The following TULP3 variants were observed in gnomAD, a reference collection of about 807,000 sequenced individuals.
TULP3 encodes the protein TUB like protein 3, also known as tubby-related protein 3.
A neutral mutation model predicts 50.7 loss-of-function variants in TULP3; 38 were observed. The ratio of observed to expected loss-of-function variants is 0.75; its 90% CI spans 0.58 to 0.98. The LOEUF (loss-of-function observed/expected upper bound fraction) is 0.98. Ranked by LOEUF, TULP3 falls within the 50% of genes least tolerant of loss-of-function variation. TULP3 has a pLI of 0.00. For synonymous variants in TULP3, 183 were observed against 196.6 expected (o/e 0.93, Z 0.58); for missense variants, 550 against 568.0 (o/e 0.97, Z 0.32).
chr12:2,893,642 G>A (rs969112621), intron 1 of TULP3, among the ~76,000 whole-genome samples: 2 of 150,984 alleles, frequency 1.3e-5, no homozygotes, highest in African/African-American at 2.4e-5. Flanking sequence ...TGTTTTTGAT[G>A]AAATACATTG....
chr12:2,937,609 G>A (rs777294881), intron 8 of TULP3, 22 bp from the exon 9 acceptor site: 5 of 1,567,430 alleles, frequency 3.2e-6, no homozygotes, highest in African/African-American at 1.4e-5. Flanking sequence ...TCCAAGTTCT[G>A]CTTTGTTTTC....
rs761395470 is a variant in TULP3 at position 2,934,473 on chromosome 12, C to T, written c.836C>T (p.Thr279Ile). The T allele has an allele frequency of 1.9e-5, 31 of 1,596,858 alleles. No homozygotes were observed. The highest frequency in any genetic ancestry group is 2.5e-5 in the Non-Finnish European group (29 of 1,172,404). ...LRSNLMGTKF[T>I]VYDRGICPMK... ...TCCAACCTCATGGGGACCAAGTTTA[C>T]AGTTTATGACCGTGGCATCTGCCCC... Residue 279 changes from threonine (T) to isoleucine (I), a missense_variant, in exon 8 of 11, where the codon ACA becomes ATA. Coordinates refer to ENST00000448120, the MANE Select transcript of TULP3 (RefSeq NM_003324.5).
chr12:2,917,694 G>A (rs889972259), intron 2 of TULP3, among the ~76,000 whole-genome samples: 2 of 151,746 alleles, frequency 1.3e-5, no homozygotes, highest in Non-Finnish European at 2.9e-5. Flanking sequence ...TGGCCAACAC[G>A]GTGAAACCTC....
intron 1 of TULP3, among the ~76,000 whole-genome samples, chr12:2,909,281 G>A (rs1440850426): frequency 2.0e-5 from 3 of 152,240 alleles, no homozygotes; most frequent in African/African-American, 7.2e-5. Flanking sequence ...TGCATGCGTG[G>A]GGTCTGTGTT....
In TULP3 at chr12:2,902,491, G is replaced by A. The variant is rs182550325; in HGVS notation, c.42-7038G>A. Among the ~76,000 whole-genome samples, 12 of 152,306 alleles carry A rather than the reference G, an allele frequency of 7.9e-5. 1 individual carries two copies. In the East Asian group the frequency reaches 2.3e-3, roughly 29 times the overall value. On this transcript the variant is annotated intron_variant, in intron 1 of 10. Coordinates refer to ENST00000448120, the MANE Select transcript of TULP3 (RefSeq NM_003324.5). ...AAATTGCAGTTGAGTGCTGATTACA[G>A]CATCCTTATCTGGCACAGTGTAGGA...
At chr12:2,926,754 AGT>A in intron 4 of TULP3, among the ~76,000 whole-genome samples, 1 of 119,736 alleles carries the variant, frequency 8.4e-6, no homozygotes, top group Non-Finnish European at 1.7e-5. Flanking sequence ...TTCAAAAAAA[AGT>A]AGCCAGGTGT....
At chr12:2,912,933 A>G (rs1377641010) in intron 2 of TULP3, among the ~76,000 whole-genome samples, 1 of 151,826 alleles carries the variant, frequency 6.6e-6, no homozygotes. Context: ...AGTGCTAGAG[A>G]CATAGGGTAG....
At chr12:2,920,650 A>C in intron 2 of TULP3, 113 bp from the exon 3 acceptor site, 1 of 1,333,516 alleles carries the variant, frequency 7.5e-7, no homozygotes, top group South Asian at 1.4e-5. Context: ...ATGGGGAAAA[A>C]ATAATTTACA....
chr12:2,910,094 C>T (rs2098184596), intron 2 of TULP3, among the ~76,000 whole-genome samples: 1 of 152,152 alleles, frequency 6.6e-6, no homozygotes, highest in Admixed American at 6.6e-5. Context: ...AGATCGAGAC[C>T]ATCCTGACTA....
intron 4 of TULP3, among the ~76,000 whole-genome samples, chr12:2,928,638 G>A (rs923184728): frequency 1.3e-5 from 2 of 151,628 alleles, no homozygotes; most frequent in African/African-American, 2.4e-5. Flanking sequence ...AATATGCATC[G>A]TAACATAGAA....
intron 1 of TULP3, among the ~76,000 whole-genome samples, chr12:2,899,687 T>A (rs886969231): frequency 9.3e-5 from 14 of 151,126 alleles, no homozygotes; most frequent in East Asian, 2.0e-4. Context: ...AGGTCAGAAG[T>A]TCGAGACCAT....
intron 1 of TULP3, among the ~76,000 whole-genome samples, chr12:2,898,541 AT>A (rs2098176929): frequency 6.6e-6 from 1 of 152,170 alleles, no homozygotes; most frequent in Admixed American, 6.5e-5. Flanking sequence ...CCAGTTGCTC[AT>A]TACTCAGTTT....
Position 2,940,678 on chromosome 12 carries a change from C to T in TULP3, c.*1234C>T. 1 of 1,551,698 alleles carries T rather than the reference C, an allele frequency of 6.4e-7. No individual in the cohort carries two copies. Among genetic ancestry groups the T allele is most frequent in the Non-Finnish European group, 8.7e-7 (1 of 1,146,982 alleles). On this transcript the variant is annotated 3_prime_UTR_variant, in exon 11 of 11. Coordinates refer to ENST00000448120, the MANE Select transcript of TULP3 (RefSeq NM_003324.5). The stretch of plus-strand genomic sequence containing the variant: ...CTCAGACCTCCCTTCTGTGGACTGA[C>T]CTCTCACCTCCGCCTGTTGTTCCTG...
intron 2 of TULP3, among the ~76,000 whole-genome samples, chr12:2,916,621 T>TAG (rs2098188833): frequency 6.6e-6 from 1 of 152,160 alleles, no homozygotes; most frequent in South Asian, 2.1e-4. Context: ...TGGTAATGAG[T>TAG]CCTTCATTGA....
chr12:2,925,838 C>G (rs1327043200), intron 4 of TULP3, among the ~76,000 whole-genome samples: 1 of 152,124 alleles, frequency 6.6e-6, no homozygotes. Flanking sequence ...GTTCTTTATC[C>G]CTGACTGTAA....
At chr12:2,895,842 A>G (rs2334872) in intron 1 of TULP3, among the ~76,000 whole-genome samples, 72,217 of 151,840 alleles carry the variant, frequency 0.48, 17,611 homozygotes, top group African/African-American at 0.59. Context: ...CTCCTAGGCT[A>G]CAAAGCTATA....
At chr12:2,913,198 A>AGAGT (rs2098186609) in intron 2 of TULP3, among the ~76,000 whole-genome samples, 1 of 100,152 alleles carries the variant, frequency 1.0e-5, no homozygotes, top group African/African-American at 4.5e-5. Flanking sequence ...AATTATGTTG[A>AGAGT]GTTTGTGTGT....
chr12:2,922,428 C>A, intron 4 of TULP3, 26 bp downstream of exon 4: 1 of 1,596,082 alleles, frequency 6.3e-7, no homozygotes, highest in Non-Finnish European at 8.5e-7. Flanking sequence ...GATTTTAAGG[C>A]AATTTGTCTC....
intron 2 of TULP3, among the ~76,000 whole-genome samples, chr12:2,910,482 A>G (rs1192757393): frequency 6.6e-6 from 1 of 152,212 alleles, no homozygotes; most frequent in Non-Finnish European, 1.5e-5. Context: ...GGACTAAATG[A>G]ACGGTTTTGT....
Sources: allele counts gnomAD v4.1 joint callset (sites outside exome capture counted in the v4.1 genomes callset), GRCh38; gene constraint gnomAD v4.1.1; transcripts MANE v1.5; gene names NCBI Gene and HGNC (gene_info 2026-07-23, HGNC 2026-07-21).